The following MARCHF3 variants were observed in gnomAD, a reference collection of about 807,000 sequenced individuals.
MARCHF3 encodes E3 ubiquitin-protein ligase MARCHF3.
A neutral mutation model predicts 24.2 loss-of-function variants in MARCHF3; 13 were observed. The ratio of observed to expected loss-of-function variants is 0.54; its 90% CI spans 0.35 to 0.85. MARCHF3 has a LOEUF of 0.85. Among genes scored for constraint, MARCHF3 ranks in the 40% least tolerant of loss-of-function variants. The pLI is 0.01. For missense variants in MARCHF3, 276 were observed against 325.0 expected, an observed-to-expected ratio of 0.85 and a Z score of 1.16; for synonymous variants, 144 against 137.3, an observed-to-expected ratio of 1.05 and a Z score of -0.34.
chr5:126,869,005 G>A lies in MARCHF3; in HGVS notation c.*1628C>T, dbSNP rs1752864637. On this transcript the variant is annotated 3_prime_UTR_variant, in exon 5 of 5. Transcript: ENST00000308660. ...AAGCGTGGTGGGGAGGAAATCTATTGTCACAAGCCATAAAGCACATCTGAG... is the reference window on the plus strand; with the variant it reads ...AAGCGTGGTGGGGAGGAAATCTATTATCACAAGCCATAAAGCACATCTGAG... 1 of 152,218 alleles carries A rather than the reference G, an allele frequency of 6.6e-6. No individual in the cohort carries two copies. The highest frequency in any genetic ancestry group is 2.4e-5 in the African/African-American group (1 of 41,416). The allele number at this position is 152,218 out of a possible 1,614,324, so 9.4% of individuals were successfully genotyped here. A position where few individuals can be genotyped will look rare whatever the true frequency, so the allele number is the denominator to read the frequency against.
intron 3 of MARCHF3, among the ~76,000 whole-genome samples, chr5:126,903,221 T>C (rs1201955427): frequency 6.6e-6 from 1 of 151,956 alleles, no homozygotes; most frequent in Non-Finnish European, 1.5e-5. Context: ...GAACCTCAAC[T>C]GTAAATGCAG....
At chr5:126,915,219 C>T (rs1208808998) in intron 2 of MARCHF3, 85 bp from the exon 3 acceptor site, 2 of 1,366,768 alleles carry the variant, frequency 1.5e-6, no homozygotes, top group African/African-American at 2.9e-5. Flanking sequence ...GTCCTTTGGG[C>T]CCTCCCCAGA....
At chr5:126,905,300 T>G (rs1754248289) in intron 3 of MARCHF3, among the ~76,000 whole-genome samples, 2 of 141,884 alleles carry the variant, frequency 1.4e-5, no homozygotes, top group African/African-American at 5.3e-5. Context: ...TGATGTGGGC[T>G]CTTTTTTGGT....
chr5:126,928,363 T>G (rs1240563319), intron 1 of MARCHF3, among the ~76,000 whole-genome samples: 1 of 152,238 alleles, frequency 6.6e-6, no homozygotes, highest in Non-Finnish European at 1.5e-5. Flanking sequence ...AGAGACTGTT[T>G]GTTTCCCAAA....
intron 3 of MARCHF3, among the ~76,000 whole-genome samples, chr5:126,908,779 G>A (rs893045183): frequency 2.6e-5 from 4 of 151,406 alleles, no homozygotes; most frequent in Admixed American, 1.3e-4. Flanking sequence ...TCCTCCTGTA[G>A]CTCAGAGTAA....
At chr5:126,948,807 C>T (rs188640656) in intron 1 of MARCHF3, among the ~76,000 whole-genome samples, 1 of 152,114 alleles carries the variant, frequency 6.6e-6, no homozygotes, top group Non-Finnish European at 1.5e-5. Flanking sequence ...ATGGTGCTAC[C>T]GTGATGCTGG....
chr5:126,923,401 TA>T (rs1321279807), intron 1 of MARCHF3, among the ~76,000 whole-genome samples: 1 of 152,206 alleles, frequency 6.6e-6, no homozygotes, highest in Non-Finnish European at 1.5e-5. Flanking sequence ...AGAAATTTGT[TA>T]TACTGGCACC....
At chr5:126,946,658 A>T (rs1192045547) in intron 1 of MARCHF3, among the ~76,000 whole-genome samples, 1 of 152,072 alleles carries the variant, frequency 6.6e-6, no homozygotes, top group Non-Finnish European at 1.5e-5. Context: ...TCCTTGGGCC[A>T]GGTAGGACTA....
chr5:126,880,499 T>C (rs1276592707), intron 3 of MARCHF3, among the ~76,000 whole-genome samples: 1 of 152,202 alleles, frequency 6.6e-6, no homozygotes, highest in Non-Finnish European at 1.5e-5. Context: ...AAAGAGCTCT[T>C]ATTAATTAAC....
chr5:126,903,009 G>T (rs1221836516), intron 3 of MARCHF3, among the ~76,000 whole-genome samples: 2 of 152,120 alleles, frequency 1.3e-5, no homozygotes, highest in Non-Finnish European at 2.9e-5. Context: ...CACTGTCCAT[G>T]CTGGTACACT....
intron 3 of MARCHF3, chr5:126,914,597 G>A (rs891851300): frequency 7.1e-6 from 3 of 421,632 alleles, no homozygotes; most frequent in South Asian, 8.3e-5. Flanking sequence ...GGAGAAAGAT[G>A]TTTGATCTGT....
chr5:126,954,965 C>T (rs1750391495), intron 1 of MARCHF3, among the ~76,000 whole-genome samples: 1 of 152,092 alleles, frequency 6.6e-6, no homozygotes, highest in African/African-American at 2.4e-5. Flanking sequence ...ATTTTTACTA[C>T]ACATAGGCAT....
chr5:126,870,909 A>C, intron 4 of MARCHF3, 118 bp from the exon 5 acceptor site: 1 of 1,385,600 alleles, frequency 7.2e-7, no homozygotes, highest in Middle Eastern at 1.9e-4. Context: ...GCACTATGGC[A>C]GGGCAAGAAC....
rs543142342 is a variant in MARCHF3 at position 127,015,985 on chromosome 5, C to T, written c.-57+14365G>A. Reference sequence around the variant, plus strand: ...TTAGTAGCCCTCTGCATTATCAGATCAACTGTTGCCAGAATCGAAGGAACC... The same window carrying T: ...TTAGTAGCCCTCTGCATTATCAGATTAACTGTTGCCAGAATCGAAGGAACC... On this transcript the variant is annotated intron_variant, in intron 1 of 4. Transcript: ENST00000308660. Among the ~76,000 whole-genome samples the T allele has an allele frequency of 3.3e-5, 5 of 152,284 alleles. No homozygotes were observed. The South Asian group carries it at 1.0e-3, about 32-fold the overall frequency.
Position 126,995,727 on chromosome 5 carries a change from C to T in MARCHF3, c.-57+34623G>A, listed in dbSNP as rs189395985. ...TGACTTGCAACTAAGTTTTATTTTT[C>T]CCTGTTTTTCTCCCAATAAACAAAT... On this transcript the variant is annotated intron_variant, in intron 1 of 4. Coordinates refer to ENST00000308660, the MANE Select transcript of MARCHF3 (RefSeq NM_178450.5). 9.0e-3 allele frequency among the ~76,000 whole-genome samples: 1,377 copies of T among 152,236 alleles called. 23 individuals carry two copies. Among genetic ancestry groups the T allele is most frequent in the Non-Finnish European group, 0.011 (723 of 68,010 alleles).
At chr5:126,938,932 T>C (rs765336585) in intron 1 of MARCHF3, among the ~76,000 whole-genome samples, 5 of 152,194 alleles carry the variant, frequency 3.3e-5, no homozygotes, top group Non-Finnish European at 7.3e-5. Context: ...GCTATTAAAA[T>C]CAGGTATTTG....
intron 1 of MARCHF3, among the ~76,000 whole-genome samples, chr5:126,956,039 T>C (rs1178073017): frequency 6.6e-6 from 1 of 152,216 alleles, no homozygotes; most frequent in Non-Finnish European, 1.5e-5. Context: ...AATAATCCTT[T>C]CTTTTCCCAC....
intron 1 of MARCHF3, among the ~76,000 whole-genome samples, chr5:127,003,170 G>A (rs1017817292): frequency 6.8e-6 from 1 of 146,690 alleles, no homozygotes; most frequent in African/African-American, 2.4e-5. Context: ...TGGTAAGTGC[G>A]GTGTGAAACT....
In MARCHF3 at chr5:126,910,002, C is replaced by T. The variant is rs188793493; in HGVS notation, c.393+4928G>A. 6.6e-5 allele frequency among the ~76,000 whole-genome samples: 10 copies of T among 152,298 alleles called. No individual in the cohort carries two copies. The East Asian group carries it at 1.9e-3, about 29-fold the overall frequency. On this transcript the variant is annotated intron_variant, in intron 3 of 4. Coordinates refer to ENST00000308660, the MANE Select transcript of MARCHF3 (RefSeq NM_178450.5). ...AGCTAAACCTCTGACTCACAGGGAACAGCTTTTAAATTGTTCATACAGTTC... is the reference window on the plus strand; with the variant it reads ...AGCTAAACCTCTGACTCACAGGGAATAGCTTTTAAATTGTTCATACAGTTC...
Sources: allele counts gnomAD v4.1 joint callset (sites outside exome capture counted in the v4.1 genomes callset), GRCh38; gene constraint gnomAD v4.1.1; transcripts MANE v1.5; gene names NCBI Gene and HGNC (gene_info 2026-07-23, HGNC 2026-07-21).